FBRSL1: variants seen among roughly 807,000 people sequenced by gnomAD.
The protein encoded by FBRSL1 is fibrosin-1-like protein.
Under a neutral mutation model 89.6 loss-of-function variants are expected in FBRSL1, and 51 were observed. That is an observed-to-expected ratio of 0.57 (90% CI 0.45 to 0.72). The LOEUF is 0.72. Among genes scored for constraint, FBRSL1 ranks in the 30% least tolerant of loss-of-function variants. The pLI, the probability that FBRSL1 is intolerant of heterozygous loss-of-function variation, is 0.00. For synonymous variants in FBRSL1, 779 were observed against 681.1 expected, an observed-to-expected ratio of 1.14 and a Z score of -2.24; for missense variants, 1,618 against 1,451.8, an observed-to-expected ratio of 1.11 and a Z score of -1.86.
At chr12:132,544,305 A>G (rs1196003269) in intron 4 of FBRSL1, among the ~76,000 whole-genome samples, 1 of 152,142 alleles carries the variant, frequency 6.6e-6, no homozygotes, top group Non-Finnish European at 1.5e-5. Context: ...ACCATGGTAC[A>G]GGGAGCTGCT....
At chr12:132,547,099 G>A (rs114426564) in intron 4 of FBRSL1, among the ~76,000 whole-genome samples, 8,013 of 152,234 alleles carry the variant, frequency 0.053, 295 homozygotes, top group African/African-American at 0.1. Context: ...TGACTGTTTC[G>A]GGGGACATTG....
chr12:132,509,609 A>G (rs1400772522), intron 2 of FBRSL1: 18 of 1,230,062 alleles, frequency 1.5e-5, no homozygotes, highest in Non-Finnish European at 1.8e-5. Context: ...TCCTGGCCCC[A>G]CGGTCCCTCC....
At chr12:132,569,447 G>T (rs1012553347) in intron 6 of FBRSL1, among the ~76,000 whole-genome samples, 2 of 152,160 alleles carry the variant, frequency 1.3e-5, no homozygotes, top group African/African-American at 4.8e-5. Flanking sequence ...GCTGCTGTTG[G>T]GGTGGGGCAG....
Position 132,508,150 on chromosome 12 carries a change from C to A in FBRSL1, c.292-3C>A. Reference sequence around the variant, plus strand: ...TAACTGGCGTTTCCCTGTCTCCCTGCAGAAGGATATGGCCCTGAAGCCACA... The same window carrying A: ...TAACTGGCGTTTCCCTGTCTCCCTGAAGAAGGATATGGCCCTGAAGCCACA... On this transcript the variant is annotated splice_region_variant and splice_polypyrimidine_tract_variant and intron_variant, in intron 1 of 18. Transcript: ENST00000680143. 3.6e-6 allele frequency: 5 copies of A among 1,394,528 alleles called. No individual in the cohort carries two copies. The highest frequency in any genetic ancestry group is 5.0e-6 in the Non-Finnish European group (5 of 1,003,940). 86.4% of individuals were successfully genotyped at this position (1,394,528 alleles called of 1,614,324 possible).
In FBRSL1 at chr12:132,581,435, C is replaced by T; in HGVS notation, c.1835-4C>T. On this transcript the variant is annotated splice_polypyrimidine_tract_variant and splice_region_variant and intron_variant, in intron 15 of 18. Coordinates refer to ENST00000680143, the MANE Select transcript of FBRSL1 (RefSeq NM_001367871.1). ...CTTCTGTCAAACCTGGCTGCCCCCC[C>T]CAGGTGCCGCCCATCCTGCCTCCAA... 1 of 1,550,968 alleles carries T rather than the reference C, an allele frequency of 6.4e-7. No individual in the cohort carries two copies. The highest frequency in any genetic ancestry group is 8.7e-7 in the Non-Finnish European group (1 of 1,146,928).
At chr12:132,580,112 G>A (rs1369114052) in intron 15 of FBRSL1, among the ~76,000 whole-genome samples, 4 of 152,086 alleles carry the variant, frequency 2.6e-5, no homozygotes, top group African/African-American at 4.8e-5. Flanking sequence ...ATTTTGAGAC[G>A]AAGTCTTGCT....
At chr12:132,559,169 G>A (rs1307348651) in intron 5 of FBRSL1, among the ~76,000 whole-genome samples, 1 of 152,208 alleles carries the variant, frequency 6.6e-6, no homozygotes, top group African/African-American at 2.4e-5. Flanking sequence ...TGTCCCTCCC[G>A]GCCACCTCAA....
intron 6 of FBRSL1, among the ~76,000 whole-genome samples, chr12:132,568,584 C>A (rs2039794581): frequency 6.6e-6 from 1 of 152,262 alleles, no homozygotes; most frequent in Non-Finnish European, 1.5e-5. Flanking sequence ...GCTGGAGGTG[C>A]TAGAAGGGCA....
At chr12:132,516,846 A>G (rs993997237) in intron 2 of FBRSL1, among the ~76,000 whole-genome samples, 1 of 152,202 alleles carries the variant, frequency 6.6e-6, no homozygotes, top group African/African-American at 2.4e-5. Flanking sequence ...TCTGGGCCTC[A>G]GTTTTCCTGT....
At chr12:132,510,466 A>G in intron 2 of FBRSL1, 3 of 1,230,980 alleles carry the variant, frequency 2.4e-6, no homozygotes, top group South Asian at 4.1e-5. Context: ...GCACCTCCCC[A>G]TATGGGTTTT....
At chr12:132,530,123 C>T (rs144450427) in intron 4 of FBRSL1, among the ~76,000 whole-genome samples, 4,720 of 150,360 alleles carry the variant, frequency 0.031, 100 homozygotes, top group African/African-American at 0.06. Flanking sequence ...CCCTTCCCAT[C>T]GTCATGAGTA....
chr12:132,563,712 C>T (rs115143722), intron 5 of FBRSL1, among the ~76,000 whole-genome samples: 2,535 of 144,614 alleles, frequency 0.018, 69 homozygotes, highest in African/African-American at 0.058. Context: ...GACTGTATAC[C>T]CACCCCCGTC....
intron 3 of FBRSL1, 74 bp from the exon 4 acceptor site, chr12:132,527,879 C>T (rs2035936245): frequency 7.1e-7 from 1 of 1,408,898 alleles, no homozygotes; most frequent in Non-Finnish European, 9.8e-7. Flanking sequence ...GGCTGCAGGG[C>T]AGCTGTCGGG....
In FBRSL1 at chr12:132,528,154, G is replaced by A. The variant is rs377556144; in HGVS notation, c.615+166G>A. ...TGGCCTCAAACACCATGGGGTTGGT[G>A]GGGGGTGGACAAGCTCCAGAGTGAA... is the stretch of plus-strand genomic sequence containing the variant. On this transcript the variant is annotated intron_variant, in intron 4 of 18. Coordinates refer to ENST00000680143, the MANE Select transcript of FBRSL1 (RefSeq NM_001367871.1). Among the ~76,000 whole-genome samples, 18 of 151,806 alleles carry A rather than the reference G, an allele frequency of 1.2e-4. 2 individuals are homozygous for A. Among genetic ancestry groups the A allele is most frequent in the African/African-American group, 4.1e-4 (17 of 41,082 alleles).
intron 1 of FBRSL1, among the ~76,000 whole-genome samples, chr12:132,504,068 G>A (rs1228246203): frequency 6.6e-6 from 1 of 152,154 alleles, no homozygotes; most frequent in Non-Finnish European, 1.5e-5. Context: ...CTCTAGGTGG[G>A]AAGCAGAGGG....
chr12:132,513,623 G>A (rs1462312172), intron 2 of FBRSL1, among the ~76,000 whole-genome samples: 1 of 152,232 alleles, frequency 6.6e-6, no homozygotes, highest in East Asian at 1.9e-4. Context: ...ATCTGCAGAA[G>A]GGGTTATGGG....
Position 132,576,925 on chromosome 12 carries a change from A to G in FBRSL1, c.1828A>G (p.Ser610Gly). The change falls in exon 15 of 19, where the codon AGC (serine) becomes GGC (glycine). Residue 610 changes from serine to glycine, a missense_variant. By Grantham distance (56) the Ser-to-Gly change is moderately conservative. Coordinates refer to ENST00000680143, the MANE Select transcript of FBRSL1 (RefSeq NM_001367871.1). ...PQDLARPLFP[S>G]TGAAHPASNP... ...GGACCTGGCCCGGCCCCTCTTCCCC[A>G]GCACAGGTGAGACTGGAGTCGGGCC... is the stretch of plus-strand genomic sequence containing the variant. 6.5e-7 allele frequency: 1 copy of G among 1,549,044 alleles called. No homozygotes were observed. Among genetic ancestry groups the G allele is most frequent in the Non-Finnish European group, 8.7e-7 (1 of 1,146,132 alleles).
chr12:132,493,533 G>A (rs750995006), intron 1 of FBRSL1, among the ~76,000 whole-genome samples: 1 of 152,114 alleles, frequency 6.6e-6, no homozygotes, highest in Non-Finnish European at 1.5e-5. Context: ...ACCCCCACTC[G>A]CAGCCCCTTC....
chr12:132,495,177 G>C (rs1450649470), intron 1 of FBRSL1, among the ~76,000 whole-genome samples: 1 of 152,266 alleles, frequency 6.6e-6, no homozygotes, highest in Non-Finnish European at 1.5e-5. Flanking sequence ...GCATCCTGGA[G>C]GCTGAGCCAG....
Sources: gnomAD v4.1 joint callset for allele counts (sites outside exome capture counted in the v4.1 genomes callset) on GRCh38, gnomAD v4.1.1 for gene constraint, MANE v1.5 for transcripts, NCBI Gene and HGNC (gene_info 2026-07-23, HGNC 2026-07-21) for gene names.